Variants in ACBD6 observed in about 807,000 individuals in gnomAD.
ACBD6 encodes acyl-CoA binding domain containing 6, also known as acyl-CoA-binding domain-containing protein 6.
A neutral mutation model predicts 37.2 loss-of-function variants in ACBD6; 28 were observed. The ratio of observed to expected loss-of-function variants is 0.75; its 90% confidence interval spans 0.56 to 1.03. The LOEUF (loss-of-function observed/expected upper bound fraction) is 1.03. Among genes scored for constraint, ACBD6 ranks in the 50% least tolerant of loss-of-function variants. The pLI, the probability that ACBD6 is intolerant of heterozygous loss-of-function variation, is 0.00. For missense variants in ACBD6, 340 were observed against 337.4 expected (o/e 1.01, Z -0.06); for synonymous variants, 113 against 126.8 (o/e 0.89, Z 0.73).
At chr1:180,348,332 A>T (rs1361248906) in intron 6 of ACBD6, among the ~76,000 whole-genome samples, 1 of 152,196 alleles carries the variant, frequency 6.6e-6, no homozygotes, top group Non-Finnish European at 1.5e-5. Context: ...AGAGCTCTGG[A>T]CTGTGAGTTT....
At chr1:180,415,093 C>T (rs1392175911) in intron 4 of ACBD6, among the ~76,000 whole-genome samples, 1 of 147,324 alleles carries the variant, frequency 6.8e-6, no homozygotes, top group Non-Finnish European at 1.5e-5. Context: ...ATAAAAAAAA[C>T]AAAAACAAAA....
chr1:180,291,382 T>A (rs1370104029), intron 7 of ACBD6, among the ~76,000 whole-genome samples: 1 of 152,210 alleles, frequency 6.6e-6, no homozygotes, highest in Non-Finnish European at 1.5e-5. Context: ...CACTTTACTA[T>A]TATTAAAAAT....
At chr1:180,498,504 T>C (rs1651820790) in intron 1 of ACBD6, among the ~76,000 whole-genome samples, 1 of 152,252 alleles carries the variant, frequency 6.6e-6, no homozygotes, top group Admixed American at 6.5e-5. Flanking sequence ...AAGTACTTTG[T>C]GTGTACTTCC....
chr1:180,352,389 C>T (rs1178520299), intron 6 of ACBD6, among the ~76,000 whole-genome samples: 2 of 151,998 alleles, frequency 1.3e-5, no homozygotes, highest in Non-Finnish European at 2.9e-5. Flanking sequence ...AGGTTTTCAC[C>T]ACGTTGGCCA....
chr1:180,442,511 T>C (rs978073436), intron 3 of ACBD6, among the ~76,000 whole-genome samples: 1 of 152,348 alleles, frequency 6.6e-6, no homozygotes, highest in Admixed American at 6.5e-5. Flanking sequence ...TTATGAACTA[T>C]TTGAAATTTC....
chr1:180,387,719 G>C (rs1022941091), intron 6 of ACBD6, among the ~76,000 whole-genome samples: 1 of 71,468 alleles, frequency 1.4e-5, no homozygotes, highest in Admixed American at 1.7e-4. Context: ...CATGTATTTG[G>C]CTGGGGTAGG....
chr1:180,473,037 G>A (rs1650628039), intron 3 of ACBD6, among the ~76,000 whole-genome samples: 1 of 151,900 alleles, frequency 6.6e-6, no homozygotes, highest in Non-Finnish European at 1.5e-5. Flanking sequence ...AATGCTCCAT[G>A]GACTATAAAA....
At chr1:180,334,558 G>GA (rs1651626230) in intron 6 of ACBD6, among the ~76,000 whole-genome samples, 1 of 151,992 alleles carries the variant, frequency 6.6e-6, no homozygotes, top group East Asian at 1.9e-4. Context: ...ACAAAGATGG[G>GA]AAAAAAACAG....
At chr1:180,472,851 T>C (rs1327077011) in intron 3 of ACBD6, among the ~76,000 whole-genome samples, 1 of 152,172 alleles carries the variant, frequency 6.6e-6, no homozygotes, top group Non-Finnish European at 1.5e-5. Flanking sequence ...AGAGGTTCAA[T>C]AAATCTTAGC....
At chr1:180,310,914 A>G (rs12069143) in intron 7 of ACBD6, among the ~76,000 whole-genome samples, 8,472 of 152,176 alleles carry the variant, frequency 0.056, 629 homozygotes, top group East Asian at 0.3. Context: ...TATTGTTGGG[A>G]GACAATTCTT....
chr1:180,467,578 A>T (rs1042183697), intron 3 of ACBD6, among the ~76,000 whole-genome samples: 1 of 151,910 alleles, frequency 6.6e-6, no homozygotes, highest in African/African-American at 2.4e-5. Flanking sequence ...TTAAGCCCAG[A>T]AGTTTGAGGC....
At chr1:180,350,205 T>C (rs1571394885) in intron 6 of ACBD6, among the ~76,000 whole-genome samples, 3 of 152,218 alleles carry the variant, frequency 2.0e-5, no homozygotes, top group Admixed American at 2.0e-4. Flanking sequence ...ATTTTTTACT[T>C]GTATTAATAG....
chr1:180,462,690 A>G (rs894974444), intron 3 of ACBD6, among the ~76,000 whole-genome samples: 2 of 152,170 alleles, frequency 1.3e-5, no homozygotes, highest in African/African-American at 4.8e-5. Context: ...AAAATTAACA[A>G]AGAAATTCAG....
chr1:180,284,768 T>TTTTTGC (rs761058888), downstream of ACBD6, among the ~76,000 whole-genome samples: 3 of 152,194 alleles, frequency 2.0e-5, no homozygotes, highest in East Asian at 3.9e-4. Flanking sequence ...GCTGCTTTTG[T>TTTTTGC]TTTTGCTTTT....
At chr1:180,464,986 A>T (rs901063765) in intron 3 of ACBD6, among the ~76,000 whole-genome samples, 6 of 152,198 alleles carry the variant, frequency 3.9e-5, no homozygotes, top group Non-Finnish European at 8.8e-5. Flanking sequence ...CATATATAGA[A>T]GATTGAAGCT....
chr1:180,379,267 A>G (rs1024571527), intron 6 of ACBD6, among the ~76,000 whole-genome samples: 1 of 152,236 alleles, frequency 6.6e-6, no homozygotes, highest in African/African-American at 2.4e-5. Flanking sequence ...CTCCTACAAA[A>G]GCAAATTCAA....
At chr1:180,288,719 C>A (rs1326420789) in intron 7 of ACBD6, among the ~76,000 whole-genome samples, 2 of 152,074 alleles carry the variant, frequency 1.3e-5, no homozygotes, top group Admixed American at 6.6e-5. Flanking sequence ...TCAAATTTAC[C>A]TTTTTGGTTG....
intron 6 of ACBD6, among the ~76,000 whole-genome samples, chr1:180,384,838 T>C (rs1653791079): frequency 6.6e-6 from 1 of 152,188 alleles, no homozygotes; most frequent in African/African-American, 2.4e-5. Context: ...AATGAAATCA[T>C]GACATTTGCA....
rs1276226515 is a variant in ACBD6 at position 180,502,434 on chromosome 1, TCTA to T, written c.-171_-169del. On this transcript the variant is annotated 5_prime_UTR_variant, in exon 1 of 8. Transcript: ENST00000367595. ...CACGTGACCCTGCTCCCTGCCCACT[TCTA>T]CTCCCTGGGCGTGCAGAGCAGGCTC... 4.1e-6 allele frequency: 3 copies of T among 731,840 alleles called. No individual in the cohort carries two copies. The highest frequency in any genetic ancestry group is 7.1e-6 in the Non-Finnish European group (3 of 419,844). 45.3% of individuals were successfully genotyped at this position (731,840 alleles called of 1,614,324 possible). A position where few individuals can be genotyped will look rare whatever the true frequency, so the allele number is the denominator to read the frequency against.
Sources: allele counts gnomAD v4.1 joint callset (sites outside exome capture counted in the v4.1 genomes callset), GRCh38; gene constraint gnomAD v4.1.1; transcripts MANE v1.5; gene names NCBI Gene and HGNC (gene_info 2026-07-23, HGNC 2026-07-21).